CCSER1: variants seen among roughly 807,000 people sequenced by gnomAD.
CCSER1 encodes coiled-coil serine rich protein 1, also known as serine-rich coiled-coil domain-containing protein 1.
A neutral mutation model predicts 82.0 loss-of-function variants in CCSER1; 41 were observed. The observed-to-expected ratio is 0.50, with a 90% confidence interval of 0.39 to 0.65. The LOEUF is 0.65. Ranked by LOEUF, CCSER1 falls within the 30% of genes least tolerant of loss-of-function variation. The probability of loss-of-function intolerance (pLI) is 0.00; values close to 1 mark genes in which losing one functional copy is unlikely to be tolerated. For missense variants in CCSER1, 1,119 were observed against 1,064.2 expected (o/e 1.05, Z -0.72); for synonymous variants, 414 against 383.9 (o/e 1.08, Z -0.92).
intron 10 of CCSER1, among the ~76,000 whole-genome samples, chr4:91,187,265 T>C (rs1734632757): frequency 6.6e-6 from 1 of 152,206 alleles, no homozygotes; most frequent in African/African-American, 2.4e-5. Flanking sequence ...CTGGAGCTGT[T>C]CCTATTCGGC....
intron 10 of CCSER1, among the ~76,000 whole-genome samples, chr4:91,238,209 T>C (rs1401790358): frequency 6.6e-6 from 1 of 151,962 alleles, no homozygotes; most frequent in Non-Finnish European, 1.5e-5. Flanking sequence ...CAGAAGAACG[T>C]TTAAAAGAGA....
At chr4:90,507,001 C>G (rs1770796076) in intron 5 of CCSER1, among the ~76,000 whole-genome samples, 1 of 152,062 alleles carries the variant, frequency 6.6e-6, no homozygotes, top group Non-Finnish European at 1.5e-5. Flanking sequence ...CAAATAAAAT[C>G]TTTAACTAGT....
At chr4:90,765,315 C>T (rs1429466855) in intron 7 of CCSER1, among the ~76,000 whole-genome samples, 2 of 152,104 alleles carry the variant, frequency 1.3e-5, no homozygotes, top group Non-Finnish European at 2.9e-5. Context: ...AATCCTAATG[C>T]ACTTATTAAC....
At chr4:90,823,104 A>G (rs1434268624) in intron 8 of CCSER1, among the ~76,000 whole-genome samples, 2 of 152,286 alleles carry the variant, frequency 1.3e-5, no homozygotes, top group Admixed American at 6.5e-5. Context: ...ATGTATGACT[A>G]TTATCAGAGG....
chr4:90,850,455 C>G (rs550424423), intron 8 of CCSER1, among the ~76,000 whole-genome samples: 1 of 152,234 alleles, frequency 6.6e-6, no homozygotes, highest in Admixed American at 6.5e-5. Context: ...TGGCCTTTAT[C>G]CTGCAAATCT....
intron 7 of CCSER1, among the ~76,000 whole-genome samples, chr4:90,761,978 A>G (rs1750474012): frequency 6.6e-6 from 1 of 152,120 alleles, no homozygotes. Flanking sequence ...TGATTATTTT[A>G]AAAGGTTAAG....
At chr4:91,359,022 G>T (rs1321968651) in intron 10 of CCSER1, among the ~76,000 whole-genome samples, 3 of 152,156 alleles carry the variant, frequency 2.0e-5, no homozygotes, top group Non-Finnish European at 4.4e-5. Context: ...GCTTTATTCA[G>T]CTGGGAGCAT....
chr4:91,196,942 TG>T (rs1735487792), intron 10 of CCSER1, among the ~76,000 whole-genome samples: 1 of 152,340 alleles, frequency 6.6e-6, no homozygotes, highest in East Asian at 1.9e-4. Flanking sequence ...GTGCCTATAT[TG>T]GTCAGGGAGC....
intron 10 of CCSER1, among the ~76,000 whole-genome samples, chr4:91,093,366 G>A (rs1472685676): frequency 1.3e-5 from 2 of 152,222 alleles, no homozygotes; most frequent in Non-Finnish European, 2.9e-5. Flanking sequence ...TCTGATACTG[G>A]GAGTAAGGTT....
At chr4:90,144,868 G>A (rs1256798815) in intron 1 of CCSER1, among the ~76,000 whole-genome samples, 1 of 151,934 alleles carries the variant, frequency 6.6e-6, no homozygotes, top group African/African-American at 2.4e-5. Flanking sequence ...TTTACTTTTT[G>A]TATTATCCAC....
At position 91,590,251 on chromosome 4, in the gene CCSER1, G is replaced by C. The variant is rs377135218; in HGVS notation, c.2218-8321G>C. On this transcript the variant is annotated intron_variant, in intron 10 of 10. Coordinates refer to ENST00000509176, the MANE Select transcript of CCSER1 (RefSeq NM_001145065.2). ...AACCAGAAGAAGTAGTTTAACTCTG[G>C]ACAATGTGCACCATTCCACACCTCT... is the stretch of plus-strand genomic sequence containing the variant. Among the ~76,000 whole-genome samples, 7 of 152,068 alleles carry C rather than the reference G, an allele frequency of 4.6e-5. No individual in the cohort carries two copies. The South Asian group carries it at 1.2e-3, about 27-fold the overall frequency.
chr4:90,538,728 T>C (rs1239679756), intron 5 of CCSER1, among the ~76,000 whole-genome samples: 1 of 152,128 alleles, frequency 6.6e-6, no homozygotes, highest in Non-Finnish European at 1.5e-5. Flanking sequence ...GTAATTGAAA[T>C]ATTTGAAATA....
At chr4:91,163,912 G>A (rs1448751630) in intron 10 of CCSER1, among the ~76,000 whole-genome samples, 2 of 152,046 alleles carry the variant, frequency 1.3e-5, no homozygotes, top group Non-Finnish European at 2.9e-5. Flanking sequence ...TTTAATCAGG[G>A]CATTTAGCCC....
intron 9 of CCSER1, among the ~76,000 whole-genome samples, chr4:91,076,817 G>C (rs1044138898): frequency 6.6e-6 from 1 of 152,134 alleles, no homozygotes; most frequent in African/African-American, 2.4e-5. Context: ...GCAATTTTTA[G>C]ACCATGGTAC....
At chr4:90,977,782 A>T (rs564906856) in intron 9 of CCSER1, among the ~76,000 whole-genome samples, 1 of 151,774 alleles carries the variant, frequency 6.6e-6, no homozygotes, top group Non-Finnish European at 1.5e-5. Context: ...TTGGGCTGGG[A>T]TATCGACTCC....
In CCSER1 at chr4:91,599,418, C is replaced by T. The variant is rs1764731390; in HGVS notation, c.*361C>T. The T allele has an allele frequency of 6.2e-6, 1 of 160,024 alleles. No homozygotes were observed. The highest frequency in any genetic ancestry group is 1.4e-5 in the Non-Finnish European group (1 of 73,744). The allele number at this position is 160,024 out of a possible 1,614,324, so 9.9% of individuals were successfully genotyped here. A position where few individuals can be genotyped will look rare whatever the true frequency, so the allele number is the denominator to read the frequency against. The stretch of plus-strand genomic sequence containing the variant: ...ATAATATCAAATAGCAATCTGTTCA[C>T]TGTTAATGGTGTTACTATAAAAGTA... On this transcript the variant is annotated 3_prime_UTR_variant, in exon 11 of 11. Transcript: ENST00000509176.
chr4:90,142,955 A>G (rs997002977), intron 1 of CCSER1, among the ~76,000 whole-genome samples: 1 of 152,182 alleles, frequency 6.6e-6, no homozygotes, highest in African/African-American at 2.4e-5. Context: ...CATATATTGC[A>G]ATAGCAGGAG....
At chr4:90,296,732 C>A (rs1019917195) in intron 1 of CCSER1, among the ~76,000 whole-genome samples, 2 of 152,274 alleles carry the variant, frequency 1.3e-5, no homozygotes, top group South Asian at 2.1e-4. Context: ...TTCCCCAGCA[C>A]CATTTATTAA....
intron 3 of CCSER1, among the ~76,000 whole-genome samples, chr4:90,319,048 TC>T (rs1004629872): frequency 2.0e-5 from 3 of 152,312 alleles, no homozygotes; most frequent in African/African-American, 7.2e-5. Flanking sequence ...AACTCCTGTT[TC>T]CCAGCTTTGT....
Sources: allele counts gnomAD v4.1 joint callset (sites outside exome capture counted in the v4.1 genomes callset), GRCh38; gene constraint gnomAD v4.1.1; transcripts MANE v1.5; gene names NCBI Gene and HGNC (gene_info 2026-07-23, HGNC 2026-07-21).